The following ALMS1 variants were observed in gnomAD, a reference collection of about 807,000 sequenced individuals.
The protein encoded by ALMS1 is centrosome-associated protein ALMS1.
In ALMS1, 271 loss-of-function variants were observed where a neutral mutation model predicts 352.2. That is an observed-to-expected ratio of 0.77 (90% confidence interval 0.70 to 0.85). The LOEUF (loss-of-function observed/expected upper bound fraction) is 0.85. Among genes scored for constraint, ALMS1 ranks in the 40% least tolerant of loss-of-function variants. The pLI is 0.00. For missense variants in ALMS1, 5,445 were observed against 4,870.7 expected, an observed-to-expected ratio of 1.12 and a Z score of -3.51; for synonymous variants, 1,865 against 1,761.2, an observed-to-expected ratio of 1.06 and a Z score of -1.48.
intron 9 of ALMS1, chr2:73,469,863 A>G (rs1003224630): frequency 1.3e-5 from 2 of 152,002 alleles, no homozygotes; most frequent in Non-Finnish European, 1.5e-5. Context: ...TACTCTTAAC[A>G]AAAAGAAAAA....
intron 16 of ALMS1, among the ~76,000 whole-genome samples, chr2:73,586,914 A>G (rs150054194): frequency 2.0e-5 from 3 of 152,246 alleles, no homozygotes; most frequent in African/African-American, 4.8e-5. Context: ...TGTGTCATCA[A>G]TGATTTCTTT....
intron 10 of ALMS1, among the ~76,000 whole-genome samples, chr2:73,500,503 G>T (rs1293164494): frequency 6.6e-6 from 1 of 152,120 alleles, no homozygotes; most frequent in African/African-American, 2.4e-5. Flanking sequence ...CCCTTCTTCA[G>T]AACTTTAGGC....
chr2:73,516,154 CA>C (rs544975147), intron 10 of ALMS1, among the ~76,000 whole-genome samples: 34 of 152,198 alleles, frequency 2.2e-4, no homozygotes, highest in African/African-American at 7.9e-4. Context: ...AGACGCTTCT[CA>C]AAAGAAGACA....
In ALMS1 at chr2:73,449,037, T is replaced by A; in HGVS notation, c.2510T>A (p.Val837Asp). ...CATCTACCCGAAGAGGCTCTGAAAG[T>A]TTCAGCTGTTTCTGGACCAGCTGAC... is the stretch of plus-strand genomic sequence containing the variant. ...DSHLPEEALK[V>D]SAVSGPADGK... The change falls in exon 8 of 23, where the codon GTT becomes GAT. Residue 837 changes from valine to aspartate, a missense_variant. Coordinates refer to ENST00000613296, the MANE Select transcript of ALMS1 (RefSeq NM_001378454.1). 6.2e-7 allele frequency: 1 copy of A among 1,614,080 alleles called. No individual in the cohort carries two copies. The highest frequency in any genetic ancestry group is 8.5e-7 in the Non-Finnish European group (1 of 1,179,968).
Position 73,422,910 on chromosome 2 carries a change from C to T in ALMS1, c.700C>T (p.Gln234Ter), listed in dbSNP as rs777408132. Residue 234 changes from glutamine (Q) to a stop codon, truncating the protein, a stop_gained, in exon 4 of 23, where the codon CAA becomes TAA. Transcript: ENST00000613296. LOFTEE classifies it high-confidence loss of function. Reference protein sequence around the residue: ...PDLPLLTCLTQDQEFAPDSLF... With the variant: ...PDLPLLTCLT ...TTTGCCTTTGCTGACCTGTTTGACA[C>T]AAGACCAAGAATTTGCGCCTGATTC... 6.2e-7 allele frequency: 1 copy of T among 1,613,734 alleles called. No individual in the cohort carries two copies. Among genetic ancestry groups the T allele is most frequent in the South Asian group, 1.1e-5 (1 of 91,074 alleles).
chr2:73,599,308 G>A (rs1675620136), intron 16 of ALMS1, 93 bp from the exon 17 acceptor site: 14 of 1,515,326 alleles, frequency 9.2e-6, no homozygotes, highest in Non-Finnish European at 1.3e-5. Context: ...GTTTGAATTG[G>A]ATTAGAAAGA....
chr2:73,588,204 A>G (rs1675350157), intron 16 of ALMS1, among the ~76,000 whole-genome samples: 1 of 152,184 alleles, frequency 6.6e-6, no homozygotes, highest in Admixed American at 6.5e-5. Flanking sequence ...CCAGGAAGGG[A>G]CATAACAAAG....
intron 16 of ALMS1, among the ~76,000 whole-genome samples, chr2:73,588,228 G>A (rs867533388): frequency 1.3e-5 from 2 of 152,080 alleles, no homozygotes; most frequent in African/African-American, 2.4e-5. Flanking sequence ...CTGTTGACTC[G>A]CTCTTTCTGT....
At chr2:73,601,857 A>C (rs1006000336) in intron 19 of ALMS1, among the ~76,000 whole-genome samples, 2 of 152,266 alleles carry the variant, frequency 1.3e-5, no homozygotes, top group African/African-American at 4.8e-5. Context: ...GATAAAGGAA[A>C]TGTTATTAAT....
intron 15 of ALMS1, among the ~76,000 whole-genome samples, chr2:73,564,986 G>A (rs1183555353): frequency 1.3e-5 from 2 of 152,150 alleles, no homozygotes; most frequent in Non-Finnish European, 1.5e-5. Context: ...ATCTCAAGCC[G>A]AGAATTTAAC....
intron 12 of ALMS1, among the ~76,000 whole-genome samples, chr2:73,543,230 A>C (rs1674230622): frequency 6.6e-6 from 1 of 152,272 alleles, no homozygotes; most frequent in East Asian, 1.9e-4. Flanking sequence ...CAGCTATCTG[A>C]TCTTTGACAA....
intron 1 of ALMS1, among the ~76,000 whole-genome samples, chr2:73,404,230 T>C (rs1670928741): frequency 6.6e-6 from 1 of 152,206 alleles, no homozygotes; most frequent in African/African-American, 2.4e-5. Flanking sequence ...TTTTAGTCTT[T>C]GGGGGTTTTC....
In ALMS1 at chr2:73,452,490, A is replaced by G. The variant is rs757977017; in HGVS notation, c.5963A>G (p.Tyr1988Cys). 6.2e-7 allele frequency: 1 copy of G among 1,614,076 alleles called. No homozygotes were observed. Among genetic ancestry groups the G allele is most frequent in the Non-Finnish European group, 8.5e-7 (1 of 1,179,984 alleles). Residue 1988 changes from tyrosine (Y) to cysteine (C), a missense_variant, in exon 8 of 23, where the codon TAC (tyrosine) becomes TGC (cysteine). Coordinates refer to ENST00000613296, the MANE Select transcript of ALMS1 (RefSeq NM_001378454.1). ...ATACCAATAGGACTGTCTAGTTCCTACTCACATTCACATAAAGAGAAACTC... is the reference window on the plus strand; with the variant it reads ...ATACCAATAGGACTGTCTAGTTCCTGCTCACATTCACATAAAGAGAAACTC... Reference protein sequence around the residue: ...TGIPIGLSSSYSHSHKEKLKI... With the variant: ...TGIPIGLSSSCSHSHKEKLKI...
At chr2:73,409,106 G>T (rs1169079009) in intron 2 of ALMS1, among the ~76,000 whole-genome samples, 1 of 151,824 alleles carries the variant, frequency 6.6e-6, no homozygotes, top group Non-Finnish European at 1.5e-5. Context: ...TGAGCTCTTG[G>T]CCTCAAATGA....
chr2:73,608,859 A>T (rs969054284), intron 22 of ALMS1, among the ~76,000 whole-genome samples: 1 of 152,240 alleles, frequency 6.6e-6, no homozygotes, highest in Non-Finnish European at 1.5e-5. Flanking sequence ...CATGGTAGAA[A>T]TACCAGAATT....
intron 18 of ALMS1, 70 bp from the exon 19 acceptor site, chr2:73,601,125 T>G: frequency 6.2e-7 from 1 of 1,607,336 alleles, no homozygotes; most frequent in Middle Eastern, 1.9e-4. Flanking sequence ...ATGCATATCC[T>G]GGATAAGAGC....
intron 9 of ALMS1, among the ~76,000 whole-genome samples, chr2:73,473,248 G>T (rs1191297668): frequency 9.9e-6 from 1 of 100,964 alleles, no homozygotes; most frequent in Non-Finnish European, 2.4e-5. Context: ...AAAAAGACTG[G>T]GAGTGTTTTT....
At position 73,490,498 on chromosome 2, in the gene ALMS1, A is replaced by T; in HGVS notation, c.8539A>T (p.Met2847Leu). The change falls in exon 10 of 23, where the codon ATG (methionine) becomes TTG (leucine). Residue 2847 changes from methionine to leucine, a missense_variant. By Grantham distance (15) the Met-to-Leu change is conservative (BLOSUM62 2). Coordinates refer to ENST00000613296, the MANE Select transcript of ALMS1 (RefSeq NM_001378454.1). ...TTCTGATAACCATACCCTTATTAGC[A>T]TGGGCAGACCAAGTTCCACCCTAGG... ...QISDNHTLIS[M>L]GRPSSTLGVN... is the part of the protein sequence containing the mutation. 1 of 1,614,192 alleles carries T rather than the reference A, an allele frequency of 6.2e-7. No individual in the cohort carries two copies. Among genetic ancestry groups the T allele is most frequent in the Non-Finnish European group, 8.5e-7 (1 of 1,180,042 alleles).
At chr2:73,407,445 A>G (rs534744250) in intron 1 of ALMS1, among the ~76,000 whole-genome samples, 2 of 152,234 alleles carry the variant, frequency 1.3e-5, no homozygotes, top group Admixed American at 1.3e-4. Flanking sequence ...TTTATAGTTA[A>G]TTTTTATGCT....
Sources: allele counts gnomAD v4.1 joint callset (sites outside exome capture counted in the v4.1 genomes callset), GRCh38; gene constraint gnomAD v4.1.1; transcripts MANE v1.5; gene names NCBI Gene and HGNC (gene_info 2026-07-23, HGNC 2026-07-21).